Variants in MBNL2 observed in about 807,000 individuals in gnomAD.
The protein encoded by MBNL2 is muscleblind like splicing regulator 2, also known as muscleblind-like protein 2.
A neutral mutation model predicts 41.9 loss-of-function variants in MBNL2; 17 were observed. The observed-to-expected ratio is 0.41, with a 90% CI of 0.28 to 0.61. The LOEUF (loss-of-function observed/expected upper bound fraction) is 0.61, where lower values mean the gene tolerates loss of function less well. MBNL2 is among the 20% of genes least tolerant of loss of function. The probability of loss-of-function intolerance (pLI) is 0.35; values close to 1 mark genes in which losing one functional copy is unlikely to be tolerated. For synonymous variants in MBNL2, 195 were observed against 182.9 expected, an observed-to-expected ratio of 1.07 and a Z score of -0.53; for missense variants, 336 against 505.6, an observed-to-expected ratio of 0.66 and a Z score of 3.22.
intron 2 of MBNL2, among the ~76,000 whole-genome samples, chr13:97,314,565 G>T (rs878947859): frequency 1.3e-5 from 2 of 152,134 alleles, no homozygotes; most frequent in Non-Finnish European, 2.9e-5. Context: ...AATATGCACC[G>T]AATAAATGAA....
chr13:97,258,941 C>T (rs1051231704), intron 1 of MBNL2, among the ~76,000 whole-genome samples: 1 of 152,180 alleles, frequency 6.6e-6, no homozygotes, highest in African/African-American at 2.4e-5. Flanking sequence ...GGCCTGCTCT[C>T]TCTGGCCTGA....
At chr13:97,150,695 C>T in the MBNL2 span, among the ~76,000 whole-genome samples, 14 of 152,254 alleles carry the variant, frequency 9.2e-5, no homozygotes, top group East Asian at 1.4e-3. Context: ...TTGTTAGAGA[C>T]GAGATCTTGC....
chr13:97,148,021 T>C, the MBNL2 span, among the ~76,000 whole-genome samples: 25 of 152,280 alleles, frequency 1.6e-4, no homozygotes, highest in South Asian at 3.9e-3. Context: ...GAGCTGCCAA[T>C]GTACAGGTTT....
At chr13:97,165,427 A>T in the MBNL2 span, among the ~76,000 whole-genome samples, 2 of 152,148 alleles carry the variant, frequency 1.3e-5, no homozygotes, top group South Asian at 4.1e-4. Context: ...ACTTTTTCTT[A>T]AAAAATCATC....
At chr13:97,385,887 G>A (rs2065883762) in intron 8 of MBNL2, among the ~76,000 whole-genome samples, 1 of 152,200 alleles carries the variant, frequency 6.6e-6, no homozygotes. Flanking sequence ...CAGTGTTTCA[G>A]TCTCTGCAGA....
upstream of MBNL2, among the ~76,000 whole-genome samples, chr13:97,221,893 G>T (rs902411355): frequency 1.3e-5 from 2 of 152,152 alleles, no homozygotes; most frequent in East Asian, 3.9e-4. Context: ...TAACTGCCAT[G>T]GCAGACGTTG....
At chr13:97,292,414 T>C (rs1378390272) in intron 2 of MBNL2, among the ~76,000 whole-genome samples, 2 of 152,178 alleles carry the variant, frequency 1.3e-5, no homozygotes, top group African/African-American at 2.4e-5. Context: ...CTTGGACTGC[T>C]TCTGTAGAAA....
Position 97,290,308 on chromosome 13 carries a change from T to C in MBNL2, c.174+13899T>C, listed in dbSNP as rs186555399. On this transcript the variant is annotated intron_variant, in intron 2 of 8. Transcript: ENST00000679496. ...GGCACACCGCTGGAAATACAGCATG[T>C]TAGAAAGGAGACAAATTTCTTGACC... 2.9e-3 allele frequency among the ~76,000 whole-genome samples: 442 copies of C among 150,670 alleles called. 1 individual carries two copies. Among genetic ancestry groups the C allele is most frequent in the African/African-American group, 0.01 (426 of 40,924 alleles).
At chr13:97,288,561 C>T (rs570648554) in intron 2 of MBNL2, among the ~76,000 whole-genome samples, 1 of 152,310 alleles carries the variant, frequency 6.6e-6, no homozygotes, top group South Asian at 2.1e-4. Flanking sequence ...TAAACAAAGG[C>T]CAGCGGGCAT....
At chr13:97,287,725 T>TC (rs1485976840) in intron 2 of MBNL2, among the ~76,000 whole-genome samples, 2 of 110,422 alleles carry the variant, frequency 1.8e-5, no homozygotes, top group African/African-American at 4.8e-5. Flanking sequence ...TCTTTTCTTT[T>TC]TTTTTTTTTT....
chr13:97,221,509 T>C, upstream of MBNL2: 1 of 152,186 alleles, frequency 6.6e-6, no homozygotes, highest in Non-Finnish European at 1.5e-5. Flanking sequence ...ATGTACCCCT[T>C]GTATTCAACA....
At chr13:97,257,025 C>T (rs1026758102) in intron 1 of MBNL2, among the ~76,000 whole-genome samples, 2 of 152,150 alleles carry the variant, frequency 1.3e-5, no homozygotes, top group Non-Finnish European at 2.9e-5. Context: ...TACTTTAAAT[C>T]GGAAAGCATT....
At position 97,392,429 on chromosome 13, in the gene MBNL2, T is replaced by C. The variant is rs1173608361; in HGVS notation, c.*980T>C. The C allele has an allele frequency of 2.6e-5, 4 of 152,574 alleles. No individual in the cohort carries two copies. In the East Asian group the frequency reaches 7.7e-4, roughly 29 times the overall value. 9.5% of individuals were successfully genotyped at this position (152,574 alleles called of 1,614,324 possible). On this transcript the variant is annotated 3_prime_UTR_variant, in exon 9 of 9. Transcript: ENST00000679496. Reference sequence around the variant, plus strand: ...CACTTTTTAAAAAATCCATTACTGTTTTGCATTTCAAAAGTTGGATTAAAG... The same window carrying C: ...CACTTTTTAAAAAATCCATTACTGTCTTGCATTTCAAAAGTTGGATTAAAG...
the MBNL2 span, among the ~76,000 whole-genome samples, chr13:97,212,822 A>G: frequency 1.3e-5 from 2 of 152,214 alleles, no homozygotes; most frequent in African/African-American, 4.8e-5. Context: ...GTAGCATTTG[A>G]TGGAGGAAAG....
intron 8 of MBNL2, 115 bp from the exon 9 acceptor site, chr13:97,391,207 A>G: frequency 1.6e-6 from 1 of 629,236 alleles, no homozygotes; most frequent in South Asian, 1.9e-5. Context: ...CAAAATAATG[A>G]GAGATTGAAG....
chr13:97,218,653 G>A (rs2040613842), upstream of MBNL2, among the ~76,000 whole-genome samples: 2 of 151,866 alleles, frequency 1.3e-5, no homozygotes, highest in African/African-American at 4.8e-5. Context: ...CTGCTTTCTA[G>A]TTAGCATGTC....
chr13:97,337,396 G>A (rs1381909938), intron 3 of MBNL2, among the ~76,000 whole-genome samples: 2 of 152,212 alleles, frequency 1.3e-5, no homozygotes, highest in African/African-American at 2.4e-5. Context: ...CGGTGCTCAA[G>A]TCATGTGATG....
At chr13:97,245,718 CT>C (rs1304687892) in intron 1 of MBNL2, among the ~76,000 whole-genome samples, 1 of 152,188 alleles carries the variant, frequency 6.6e-6, no homozygotes, top group Non-Finnish European at 1.5e-5. Flanking sequence ...GGAGGAAGGG[CT>C]GTTACATTGG....
At chr13:97,233,023 A>AT (rs2042622167) in intron 1 of MBNL2, among the ~76,000 whole-genome samples, 1 of 149,022 alleles carries the variant, frequency 6.7e-6, no homozygotes, top group Non-Finnish European at 1.5e-5. Flanking sequence ...TGCTGTTGTG[A>AT]TTTTGTTGCT....
Sources: gnomAD v4.1 joint callset for allele counts (sites outside exome capture counted in the v4.1 genomes callset) on GRCh38, gnomAD v4.1.1 for gene constraint, MANE v1.5 for transcripts, NCBI Gene and HGNC (gene_info 2026-07-23, HGNC 2026-07-21) for gene names.